The following PHLDA1 variants were observed in gnomAD, a reference collection of about 807,000 sequenced individuals.
The protein encoded by PHLDA1 is pleckstrin homology-like domain family A member 1.
A neutral mutation model predicts 33.8 loss-of-function variants in PHLDA1; 28 were observed. The ratio of observed to expected loss-of-function variants is 0.83; its 90% CI spans 0.61 to 1.14. The LOEUF (loss-of-function observed/expected upper bound fraction) is 1.14, where lower values mean the gene tolerates loss of function less well. Among genes scored for constraint, PHLDA1 ranks in the 50% most tolerant of loss-of-function variants. The pLI, the probability that PHLDA1 is intolerant of heterozygous loss-of-function variation, is 0.00. For missense variants in PHLDA1, 595 were observed against 548.6 expected (o/e 1.08, Z -0.84); for synonymous variants, 271 against 243.6 (o/e 1.11, Z -1.05).
exon 2 of PHLDA1, chr12:76,029,364 T>C (rs1870843458): frequency 6.6e-6 from 1 of 152,248 alleles, no homozygotes; most frequent in Admixed American, 6.5e-5. Flanking sequence ...CCCTACCACA[T>C]ATTCAAGATA....
exon 2 of PHLDA1, chr12:76,025,562 G>T (rs1268472585): frequency 6.6e-6 from 1 of 152,144 alleles, no homozygotes; most frequent in African/African-American, 2.4e-5. Flanking sequence ...TTCTGACCAT[G>T]CTAAAAAATT....
At chr12:76,027,395 G>A (rs925676021) in exon 2 of PHLDA1, 1 of 152,126 alleles carries the variant, frequency 6.6e-6, no homozygotes, top group African/African-American at 2.4e-5. Context: ...GAGGGGTTCA[G>A]AATAGAAAAT....
chr12:76,031,647 C>T lies in PHLDA1; in HGVS notation c.95G>A (p.Arg32Gln). Reference sequence around the variant, plus strand: ...TTGAATGGGCCATCTTCCCCACCCCCGAGTGACACCCAGCGGAAAAGGCGG... The same window carrying T: ...TTGAATGGGCCATCTTCCCCACCCCTGAGTGACACCCAGCGGAAAAGGCGG... The change falls in exon 1 of 2, where the codon CGG becomes CAG. Residue 32 changes from arginine (R) to glutamine (Q), a missense_variant. Coordinates refer to ENST00000266671, the Ensembl canonical transcript of PHLDA1. This position sits in a 1 kb window ranked among gnomAD's most constrained non-coding sequence, Gnocchi z 5.4. 1 of 1,539,856 alleles carries T rather than the reference C, an allele frequency of 6.5e-7. No homozygotes were observed. Among genetic ancestry groups the T allele is most frequent in the Non-Finnish European group, 8.7e-7 (1 of 1,144,314 alleles).
At position 76,031,083 on chromosome 12, in the gene PHLDA1, A is replaced by G. The variant is rs754385498; in HGVS notation, c.659T>C (p.Val220Ala). The G allele has an allele frequency of 3.1e-6, 5 of 1,609,812 alleles. No individual in the cohort carries two copies. Among genetic ancestry groups the G allele is most frequent in the Non-Finnish European group, 4.2e-6 (5 of 1,179,908 alleles). ...CTTGACCGGCGGCTCGAGGCTGGCG[A>G]CAGCGGGGCCACTGGGTTGGGACGG... The change falls in exon 1 of 2, where the codon GTC (valine) becomes GCC (alanine). Residue 220 changes from valine to alanine, a missense_variant. Physicochemically the swap from Val to Ala is moderately conservative, Grantham distance 64 (BLOSUM62 0). Coordinates refer to ENST00000266671, the Ensembl canonical transcript of PHLDA1. This position sits in a 1 kb window ranked among gnomAD's most constrained non-coding sequence, Gnocchi z 5.4.
chr12:76,031,361 G>A lies in PHLDA1; in HGVS notation c.381C>T (p.Asn127=), dbSNP rs1274683702. ...GGCCGCCGCTTGGCTCGGCCTCTCC[G>A]TTTCCAGCCGCGCGGGCCGGGGGCA... Residue 127 remains asparagine, a synonymous_variant, in exon 1 of 2, where the codon AAC becomes AAT. Transcript: ENST00000266671. This position sits in a 1 kb window ranked among gnomAD's most constrained non-coding sequence, Gnocchi z 5.4. The A allele has an allele frequency of 4.3e-6, 7 of 1,609,778 alleles. No individual in the cohort carries two copies. The highest frequency in any genetic ancestry group is 1.7e-5 in the Admixed American group (1 of 59,864).
Position 76,031,539 on chromosome 12 carries a change from C to T in PHLDA1, c.203G>A (p.Gly68Glu). The T allele has an allele frequency of 6.5e-7, 1 of 1,543,272 alleles. No homozygotes were observed. Among genetic ancestry groups the T allele is most frequent in the Non-Finnish European group, 8.7e-7 (1 of 1,148,628 alleles). Reference sequence around the variant, plus strand: ...CCGCGTCCTGATGCGCCACAAGGTCCCGGAGCTCCGAGCTGCCGGGCCTCT... The same window carrying T: ...CCGCGTCCTGATGCGCCACAAGGTCTCGGAGCTCCGAGCTGCCGGGCCTCT... The change falls in exon 1 of 2, where the codon GGG (glycine) becomes GAG (glutamate). Residue 68 changes from glycine (G) to glutamate (E), a missense_variant. Physicochemically the swap from Gly to Glu is moderately conservative, Grantham distance 98. Around this residue, in one of 3 missense-constraint regions of PHLDA1, gnomAD observed 263 missense variants for 232.3 expected, o/e 1.13. Transcript: ENST00000266671. This position sits in a 1 kb window ranked among gnomAD's most constrained non-coding sequence, Gnocchi z 5.4.
rs1870890599 is a variant in PHLDA1 at position 76,031,001 on chromosome 12, G to A, written c.741C>T (p.Gly247=). 6.2e-7 allele frequency: 1 copy of A among 1,613,490 alleles called. No individual in the cohort carries two copies. The highest frequency in any genetic ancestry group is 1.3e-5 in the African/African-American group (1 of 75,024). Residue 247 remains glycine (G), a synonymous_variant, in exon 1 of 2, where the codon GGC becomes GGT. Coordinates refer to ENST00000266671, the Ensembl canonical transcript of PHLDA1. This position sits in a 1 kb window ranked among gnomAD's most constrained non-coding sequence, Gnocchi z 5.4. ...TCACCACAGTGAAGTACATGTACTT[G>A]CCCTTGCGCTCCACACAGTCCACGG... is the stretch of plus-strand genomic sequence containing the variant.
chr12:76,025,875 C>A (rs1017208733), exon 2 of PHLDA1: 1 of 152,162 alleles, frequency 6.6e-6, no homozygotes, highest in Non-Finnish European at 1.5e-5. Context: ...GACAATATTG[C>A]CCTTTCTAAG....
In PHLDA1 at chr12:76,031,278, A is replaced by C; in HGVS notation, c.464T>G (p.Val155Gly). The stretch of plus-strand genomic sequence containing the variant: ...CAACCCGTCGCTGCGCTTCTCCAGC[A>C]CGCCCTCCTTCAGCGCTTTGCAGCC... The change falls in exon 1 of 2, where the codon GTG becomes GGG. Residue 155 changes from valine to glycine, a missense_variant. Around this residue, in one of 3 missense-constraint regions of PHLDA1, gnomAD observed 263 missense variants for 232.3 expected, o/e 1.13. Coordinates refer to ENST00000266671, the Ensembl canonical transcript of PHLDA1. The surrounding 1 kb of genome is among the most constrained non-coding windows in gnomAD (Gnocchi z 5.4). 1 of 1,613,710 alleles carries C rather than the reference A, an allele frequency of 6.2e-7. No individual in the cohort carries two copies. The highest frequency in any genetic ancestry group is 8.5e-7 in the Non-Finnish European group (1 of 1,179,864).
rs770569665 is a variant in PHLDA1, at chr12:76,031,735, G to T, written c.7C>A (p.Arg3Ser). ...AAGAGGCGCTCGGCAGCCGGCGCAC[G>T]CCTCATTAACTTGGGGCCTTTCCAA... Residue 3 changes from arginine (R) to serine (S), a missense_variant, in exon 1 of 2, where the codon CGT (arginine) becomes AGT (serine). By Grantham distance (110) the Arg-to-Ser change is moderately radical. Coordinates refer to ENST00000266671, the Ensembl canonical transcript of PHLDA1. The surrounding 1 kb of genome is among the most constrained non-coding windows in gnomAD (Gnocchi z 5.4). 7.2e-7 allele frequency: 1 copy of T among 1,384,622 alleles called. No homozygotes were observed. Among genetic ancestry groups the T allele is most frequent in the African/African-American group, 1.5e-5 (1 of 65,392 alleles). The allele number at this position is 1,384,622 out of a possible 1,614,324, so 85.8% of individuals were successfully genotyped here.
At chr12:76,027,403 A>G (rs1870796856) in exon 2 of PHLDA1, 2 of 152,186 alleles carry the variant, frequency 1.3e-5, no homozygotes, top group Non-Finnish European at 2.9e-5. Flanking sequence ...CAGAATAGAA[A>G]ATGATAAAGG....
Position 76,029,128 on chromosome 12 carries a change from T to G in PHLDA1, c.*991A>C, listed in dbSNP as rs1459954270. 2.0e-5 allele frequency: 3 copies of G among 152,174 alleles called. No individual in the cohort carries two copies. The East Asian group carries it at 5.8e-4, about 29-fold the overall frequency. The allele number at this position is 152,174 out of a possible 1,614,324, so 9.4% of individuals were successfully genotyped here. ...AAAACAAAGTAAAGGGATCAGAAAA[T>G]GTGGTTCAAGTCAAGTGTGCAAAGC... On this transcript the variant is annotated 3_prime_UTR_variant, in exon 2 of 2. Transcript: ENST00000266671.
chr12:76,028,329 C>G (rs1870821112), exon 2 of PHLDA1: 1 of 152,164 alleles, frequency 6.6e-6, no homozygotes, highest in East Asian at 1.9e-4. Context: ...CAACTGCAAC[C>G]TAAACAACCA....
chr12:76,027,222 C>G (rs1019112379), exon 2 of PHLDA1: 4 of 152,084 alleles, frequency 2.6e-5, no homozygotes, highest in African/African-American at 7.2e-5. Context: ...AGAATAGAGC[C>G]ACTGGGACAT....
At chr12:76,030,610 G>C (rs1438665915) in exon 1 of PHLDA1, 1 of 1,599,924 alleles carries the variant, frequency 6.3e-7, no homozygotes, top group African/African-American at 1.3e-5. Context: ...TGTGGGTGCG[G>C]TATTTGGTGC....
rs1051257313 is a variant in PHLDA1 at position 76,031,763 on chromosome 12, C to T, written c.-22G>A. The T allele has an allele frequency of 6.7e-6, 9 of 1,349,376 alleles. No individual in the cohort carries two copies. The highest frequency in any genetic ancestry group is 5.9e-5 in the South Asian group (3 of 51,204). 83.6% of individuals were successfully genotyped at this position (1,349,376 alleles called of 1,614,324 possible). ...TCATTAACTTGGGGCCTTTCCAAAG[C>T]CCGCTGCGTCCACGCCCTCCAGCGT... is the stretch of plus-strand genomic sequence containing the variant. On this transcript the variant is annotated 5_prime_UTR_variant, in exon 1 of 2. Transcript: ENST00000266671. This position sits in a 1 kb window ranked among gnomAD's most constrained non-coding sequence, Gnocchi z 5.4.
chr12:76,029,229 CACA>C (rs944681702), exon 2 of PHLDA1: 12 of 152,114 alleles, frequency 7.9e-5, no homozygotes, highest in African/African-American at 2.7e-4. Context: ...TCTTTTCCTC[CACA>C]ACATTTTTGA....
chr12:76,030,357 C>G (rs888361008), intron 1 of PHLDA1, 153 bp downstream of exon 1: 15 of 649,186 alleles, frequency 2.3e-5, no homozygotes, highest in Non-Finnish European at 3.4e-5. Flanking sequence ...TCTCCTGGCC[C>G]CAGCTTGTTT....
exon 1 of PHLDA1, chr12:76,030,688 G>C: frequency 8.6e-7 from 1 of 1,165,528 alleles, no homozygotes; most frequent in South Asian, 1.3e-5. Context: ...TGTGGATGCG[G>C]ATACGGGTGG....
Sources: gnomAD v4.1 joint callset for allele counts on GRCh38, gnomAD v4.1.1 for gene constraint, gnomAD v4.1.1 regional missense constraint, Gnocchi (gnomAD v3.1) non-coding constraint, MANE v1.5 for transcripts, NCBI Gene and HGNC (gene_info 2026-07-23, HGNC 2026-07-21) for gene names.